Variants in BMPER observed in about 807,000 individuals in gnomAD.
The protein encoded by BMPER is BMP binding endothelial regulator.
Under a neutral mutation model 87.3 loss-of-function variants are expected in BMPER, and 45 were observed. That is an observed-to-expected ratio of 0.52 (90% CI 0.41 to 0.66). BMPER has a LOEUF of 0.66. Among genes scored for constraint, BMPER ranks in the 30% least tolerant of loss-of-function variants. The pLI is 0.00. For synonymous variants in BMPER, 326 were observed against 316.2 expected, an observed-to-expected ratio of 1.03 and a Z score of -0.33; for missense variants, 784 against 867.5, an observed-to-expected ratio of 0.90 and a Z score of 1.21.
chr7:34,073,418 T>C (rs1315710009), intron 11 of BMPER, among the ~76,000 whole-genome samples: 1 of 152,220 alleles, frequency 6.6e-6, no homozygotes, highest in Non-Finnish European at 1.5e-5. Flanking sequence ...GCAAGTATTT[T>C]TGTATCTAAA....
At chr7:33,939,376 A>G (rs1244791869) in intron 3 of BMPER, among the ~76,000 whole-genome samples, 1 of 152,102 alleles carries the variant, frequency 6.6e-6, no homozygotes, top group African/African-American at 2.4e-5. Context: ...CTTCTAACCA[A>G]TCTGGACCCA....
intron 6 of BMPER, among the ~76,000 whole-genome samples, chr7:33,976,585 T>C (rs542232423): frequency 1.3e-5 from 2 of 152,364 alleles, no homozygotes; most frequent in East Asian, 3.9e-4. Flanking sequence ...AATAATCTTA[T>C]GCTTTTGGGA....
At chr7:34,040,487 G>T (rs562961627) in intron 6 of BMPER, among the ~76,000 whole-genome samples, 1 of 152,216 alleles carries the variant, frequency 6.6e-6, no homozygotes, top group East Asian at 1.9e-4. Context: ...CAGTTGCCTG[G>T]GTTCTGCATT....
chr7:33,972,672 A>G (rs1427080387), intron 5 of BMPER, among the ~76,000 whole-genome samples: 1 of 152,130 alleles, frequency 6.6e-6, no homozygotes, highest in Non-Finnish European at 1.5e-5. Context: ...TCCCATGCCC[A>G]CACACACCGC....
intron 2 of BMPER, among the ~76,000 whole-genome samples, chr7:33,910,002 A>G (rs1783920340): frequency 6.6e-6 from 1 of 152,182 alleles, no homozygotes; most frequent in African/African-American, 2.4e-5. Context: ...AACCAGTCCC[A>G]GTCCAAGAAT....
intron 6 of BMPER, among the ~76,000 whole-genome samples, chr7:33,998,190 C>T (rs1786473160): frequency 6.6e-6 from 1 of 152,142 alleles, no homozygotes; most frequent in Non-Finnish European, 1.5e-5. Flanking sequence ...CACAAAATTC[C>T]AATCACAGTA....
At chr7:34,019,691 G>A (rs1235429151) in intron 6 of BMPER, among the ~76,000 whole-genome samples, 2 of 152,008 alleles carry the variant, frequency 1.3e-5, no homozygotes, top group African/African-American at 4.8e-5. Context: ...CACATCTTGA[G>A]TCATCTGCTG....
At chr7:34,070,255 G>A (rs1788702556) in intron 11 of BMPER, among the ~76,000 whole-genome samples, 3 of 152,274 alleles carry the variant, frequency 2.0e-5, no homozygotes, top group African/African-American at 7.2e-5. Flanking sequence ...TGAGCTGGGA[G>A]TTGGATGGAG....
Position 33,949,601 on chromosome 7 carries a change from G to GTT in BMPER, c.319+12223_319+12224dup, listed in dbSNP as rs112376084. Among the ~76,000 whole-genome samples the GTT allele has an allele frequency of 7.5e-3, 1,103 of 146,496 alleles. 1 individual carries two copies. The highest frequency in any genetic ancestry group is 0.01 in the Non-Finnish European group (687 of 66,172). On this transcript the variant is annotated intron_variant, in intron 3 of 14. Transcript: ENST00000649409. Reference sequence around the variant, plus strand: ...AGCTACTCACTTCTAGTGCCACTGTGTTTTTTTTTTTCCCCATGATTTTGT... The same window carrying GTT: ...AGCTACTCACTTCTAGTGCCACTGTGTTTTTTTTTTTTTCCCCATGATTTTGT...
intron 13 of BMPER, among the ~76,000 whole-genome samples, chr7:34,102,439 A>C (rs1455738006): frequency 1.3e-5 from 2 of 152,180 alleles, no homozygotes; most frequent in Admixed American, 6.5e-5. Context: ...GATGCAAATC[A>C]TTGGCCCCAC....
intron 6 of BMPER, among the ~76,000 whole-genome samples, chr7:34,020,157 G>A (rs1787142285): frequency 6.6e-6 from 1 of 151,848 alleles, no homozygotes; most frequent in Non-Finnish European, 1.5e-5. Flanking sequence ...GAAGGCAGAA[G>A]ATCTCCTTAC....
At position 34,051,492 on chromosome 7, in the gene BMPER, G is replaced by A. The variant is rs542537991; in HGVS notation, c.677-369G>A. On this transcript the variant is annotated intron_variant, in intron 7 of 14. Coordinates refer to ENST00000649409, the MANE Select transcript of BMPER (RefSeq NM_001365308.1). ...TCCCAATTCCCACAGTTTCTAGATC[G>A]TCTTTTTTCCAGAACTTACCTTACT... 2.7e-4 allele frequency among the ~76,000 whole-genome samples: 41 copies of A among 152,076 alleles called. 1 individual carries two copies. The South Asian group carries it at 7.7e-3, about 29-fold the overall frequency.
At chr7:34,041,781 A>G (rs1043759513) in intron 6 of BMPER, among the ~76,000 whole-genome samples, 1 of 152,110 alleles carries the variant, frequency 6.6e-6, no homozygotes, top group Non-Finnish European at 1.5e-5. Flanking sequence ...AACTCTAGAG[A>G]AAAAAATAGA....
intron 10 of BMPER, among the ~76,000 whole-genome samples, chr7:34,060,941 GA>G (rs1788420348): frequency 6.6e-6 from 1 of 152,204 alleles, no homozygotes; most frequent in Non-Finnish European, 1.5e-5. Context: ...GCAGTGGGAA[GA>G]AAATGTCCTT....
Position 34,036,356 on chromosome 7 carries a change from T to A in BMPER, c.577-9950T>A, listed in dbSNP as rs115033720. Among the ~76,000 whole-genome samples the A allele has an allele frequency of 8.9e-3, 1,353 of 152,272 alleles. 20 individuals carry two copies. The highest frequency in any genetic ancestry group is 0.031 in the African/African-American group (1,280 of 41,568). ...CATCCTACCAGGGTGGTCTGCAAGG[T>A]CTCCAGGAATCTGAAATATTAGGAG... On this transcript the variant is annotated intron_variant, in intron 6 of 14. Transcript: ENST00000649409.
chr7:34,153,188 C>T lies in BMPER; in HGVS notation c.1973C>T (p.Pro658Leu), dbSNP rs773516778. The stretch of plus-strand genomic sequence containing the variant: ...AATGAAATTGGTCCATGCAACAAGC[C>T]GTGCGTTGCTGGGTGCCACTGTCCA... Reference protein sequence around the residue: ...NWNEIGPCNKPCVAGCHCPAN... With the variant: ...NWNEIGPCNKLCVAGCHCPAN... The change falls in exon 15 of 15, where the codon CCG becomes CTG. Residue 658 changes from proline to leucine, a missense_variant. Physicochemically the swap from Pro to Leu is moderately conservative, Grantham distance 98. Coordinates refer to ENST00000649409, the MANE Select transcript of BMPER (RefSeq NM_001365308.1). 2.7e-5 allele frequency: 44 copies of T among 1,613,918 alleles called. No homozygotes were observed. The highest frequency in any genetic ancestry group is 1.8e-4 in the East Asian group (8 of 44,888).
At chr7:34,061,599 T>G (rs1036673528) in intron 10 of BMPER, among the ~76,000 whole-genome samples, 1 of 152,124 alleles carries the variant, frequency 6.6e-6, no homozygotes, top group Non-Finnish European at 1.5e-5. Flanking sequence ...AGAAAGAAGG[T>G]CTTGTAGGGT....
At chr7:34,053,118 T>TA (rs949243873) in intron 8 of BMPER, among the ~76,000 whole-genome samples, 2 of 152,134 alleles carry the variant, frequency 1.3e-5, no homozygotes, top group Admixed American at 1.3e-4. Context: ...GGGATTTAGT[T>TA]ATGCTTGCCG....
intron 6 of BMPER, among the ~76,000 whole-genome samples, chr7:34,034,918 C>T (rs139723183): frequency 2.6e-5 from 4 of 152,272 alleles, no homozygotes; most frequent in Non-Finnish European, 5.9e-5. Context: ...GAGTGAACCT[C>T]TCCCTTTCAC....
Sources: allele counts gnomAD v4.1 joint callset (sites outside exome capture counted in the v4.1 genomes callset), GRCh38; gene constraint gnomAD v4.1.1; transcripts MANE v1.5; gene names NCBI Gene and HGNC (gene_info 2026-07-23, HGNC 2026-07-21).